Variants in SPRED2 observed in about 807,000 individuals in gnomAD.
The protein encoded by SPRED2 is sprouty related EVH1 domain containing 2.
In SPRED2, 47 loss-of-function variants were observed where a neutral mutation model predicts 43.0. That is an observed-to-expected ratio of 1.09 (90% CI 0.87 to 1.40). The LOEUF (loss-of-function observed/expected upper bound fraction) is 1.40. SPRED2 is among the 40% of genes most tolerant of loss of function. SPRED2 has a pLI of 0.00. For missense variants in SPRED2, 561 were observed against 586.4 expected (o/e 0.96, Z 0.45); for synonymous variants, 225 against 225.7 (o/e 1.00, Z 0.03).
downstream of SPRED2, among the ~76,000 whole-genome samples, chr2:65,309,525 AAAG>A (rs1432871873): frequency 2.0e-5 from 3 of 151,404 alleles, no homozygotes; most frequent in African/African-American, 4.9e-5. Context: ...AAAAAAAAAA[AAAG>A]GATATAAGAG....
rs1038714069 is a variant in SPRED2, at chr2:65,366,799, C to T, written c.27-21903G>A. On this transcript the variant is annotated intron_variant, in intron 1 of 5. Transcript: ENST00000356388. ...CGGATGAGTCATCCGAGGGTTAGTC[C>T]GCATTTTATAGGCCTGTTGTGTCAT... 18 of 1,305,328 alleles carry T rather than the reference C, an allele frequency of 1.4e-5. No homozygotes were observed. The African/African-American group carries it at 1.8e-4, about 13-fold the overall frequency. The allele number at this position is 1,305,328 out of a possible 1,614,324, so 80.9% of individuals were successfully genotyped here.
intron 1 of SPRED2, among the ~76,000 whole-genome samples, chr2:65,375,316 G>A (rs962056427): frequency 9.2e-5 from 14 of 152,336 alleles, no homozygotes; most frequent in South Asian, 2.1e-4. Context: ...CTTGTATGCC[G>A]GTCTCAGGTA....
Position 65,348,028 on chromosome 2 carries a change from T to C in SPRED2, c.27-3132A>G, listed in dbSNP as rs1420339718. 3.3e-5 allele frequency among the ~76,000 whole-genome samples: 5 copies of C among 151,918 alleles called. 1 individual carries two copies. Among genetic ancestry groups the C allele is most frequent in the Admixed American group, 3.3e-4 (5 of 15,254 alleles). On this transcript the variant is annotated intron_variant, in intron 1 of 5. Transcript: ENST00000356388. ...CATTCTACTGAAACAAACCCTCCAG[T>C]GGTATCGCCAAGCAGAAGTCAAAAT...
chr2:65,370,685 C>T (rs1234929056), intron 1 of SPRED2, among the ~76,000 whole-genome samples: 1 of 152,206 alleles, frequency 6.6e-6, no homozygotes, highest in Non-Finnish European at 1.5e-5. Context: ...CTGTAGTTCA[C>T]ACTTTCCTTA....
intron 1 of SPRED2, among the ~76,000 whole-genome samples, chr2:65,352,676 T>A (rs1414825062): frequency 7.9e-5 from 12 of 152,226 alleles, no homozygotes; most frequent in Non-Finnish European, 1.8e-4. Context: ...CAGGCTGGAG[T>A]GCAGTGGCGC....
chr2:65,381,018 C>T (rs1435306070), intron 1 of SPRED2, among the ~76,000 whole-genome samples: 1 of 152,188 alleles, frequency 6.6e-6, no homozygotes, highest in African/African-American at 2.4e-5. Context: ...CTTAGGATCC[C>T]CATTTTAGAA....
chr2:65,352,943 A>G (rs1450132001), intron 1 of SPRED2, among the ~76,000 whole-genome samples: 1 of 152,178 alleles, frequency 6.6e-6, no homozygotes, highest in Non-Finnish European at 1.5e-5. Context: ...TTTTAAAAAT[A>G]TGTTATCTTC....
intron 1 of SPRED2, among the ~76,000 whole-genome samples, chr2:65,423,299 C>T (rs907057340): frequency 2.6e-5 from 4 of 152,124 alleles, no homozygotes; most frequent in African/African-American, 9.7e-5. Context: ...TCAGGAATGG[C>T]GTAGGGATGG....
rs1668877100 is a variant in SPRED2, at chr2:65,432,095, G to A, written c.-108C>T. 1.4e-6 allele frequency: 2 copies of A among 1,444,316 alleles called. No individual in the cohort carries two copies. The highest frequency in any genetic ancestry group is 3.6e-5 in the Admixed American group (2 of 55,196). The allele number at this position is 1,444,316 out of a possible 1,614,324, so 89.5% of individuals were successfully genotyped here. On this transcript the variant is annotated 5_prime_UTR_variant, in exon 1 of 6. Coordinates refer to ENST00000356388, the MANE Select transcript of SPRED2 (RefSeq NM_181784.3). Reference sequence around the variant, plus strand: ...ATCTCCGGAGATCGCCTGATTTGGGGAGGGGGGGCGGCTAGAGATGAAGAG... The same window carrying A: ...ATCTCCGGAGATCGCCTGATTTGGGAAGGGGGGGCGGCTAGAGATGAAGAG...
chr2:65,367,861 C>G (rs1675022515), intron 1 of SPRED2, among the ~76,000 whole-genome samples: 1 of 152,094 alleles, frequency 6.6e-6, no homozygotes, highest in Admixed American at 6.5e-5. Flanking sequence ...CCAGCAGGCC[C>G]TTTGGTAATG....
intron 1 of SPRED2, among the ~76,000 whole-genome samples, chr2:65,407,531 G>A (rs144061803): frequency 2.2e-4 from 34 of 152,128 alleles, no homozygotes; most frequent in African/African-American, 7.5e-4. Context: ...CTCTCTGCAG[G>A]GGGTGGGAAG....
chr2:65,322,294 A>ATATATATATTTTTTTTT (rs1350932295), intron 4 of SPRED2, among the ~76,000 whole-genome samples: 1 of 64,936 alleles, frequency 1.5e-5, no homozygotes, highest in African/African-American at 7.1e-5. Flanking sequence ...ATATATATAT[A>ATATATATATTTTTTTTT]TTTTTTTTTT....
chr2:65,333,903 T>C (rs1232663189), intron 3 of SPRED2, among the ~76,000 whole-genome samples: 3 of 152,354 alleles, frequency 2.0e-5, no homozygotes, highest in African/African-American at 7.2e-5. Flanking sequence ...AAGATCTGAA[T>C]TTGGTATTAA....
intron 1 of SPRED2, among the ~76,000 whole-genome samples, chr2:65,351,301 G>A (rs79851750): frequency 0.019 from 2,952 of 152,228 alleles, 89 homozygotes; most frequent in African/African-American, 0.067. Context: ...AATGCTGTCC[G>A]CCATCTGTGA....
At chr2:65,408,179 G>T (rs34422198) in intron 1 of SPRED2, among the ~76,000 whole-genome samples, 16,477 of 152,108 alleles carry the variant, frequency 0.11, 1,314 homozygotes, top group Non-Finnish European at 0.16. Context: ...AAAGCTTTAG[G>T]CTGAAACTTC....
chr2:65,374,397 G>A (rs191272948), intron 1 of SPRED2, among the ~76,000 whole-genome samples: 53 of 152,288 alleles, frequency 3.5e-4, no homozygotes, highest in Admixed American at 7.2e-4. Context: ...CCAGAACTGG[G>A]CCTGATTCTA....
intron 1 of SPRED2, among the ~76,000 whole-genome samples, chr2:65,403,984 C>A (rs1192469398): frequency 6.6e-6 from 1 of 152,150 alleles, no homozygotes; most frequent in African/African-American, 2.4e-5. Context: ...GCAGGTGGAT[C>A]ACCTTAGGTC....
rs1401418177 is a variant in SPRED2, at chr2:65,312,702, C to A, written c.*799G>T. 1.6e-5 allele frequency: 16 copies of A among 985,756 alleles called. No homozygotes were observed. Among genetic ancestry groups the A allele is most frequent in the Non-Finnish European group, 1.9e-5 (16 of 829,942 alleles). 61.1% of individuals were successfully genotyped at this position (985,756 alleles called of 1,614,324 possible). Reference sequence around the variant, plus strand: ...CTCATAGAAACCTGAAATCCCCATTCTAGCCCTGGTCCAAGAGGATGCAAT... The same window carrying A: ...CTCATAGAAACCTGAAATCCCCATTATAGCCCTGGTCCAAGAGGATGCAAT... On this transcript the variant is annotated 3_prime_UTR_variant, in exon 6 of 6. Transcript: ENST00000356388.
rs1403233418 is a variant in SPRED2, at chr2:65,382,824, C to A, written c.27-37928G>T. On this transcript the variant is annotated intron_variant, in intron 1 of 5. Transcript: ENST00000356388. ...GTACAAGCCTCATTTCCAGGTTCAA[C>A]AGCCCAGGTGGCAAGGACTACATAC... is the stretch of plus-strand genomic sequence containing the variant. 6.6e-5 allele frequency among the ~76,000 whole-genome samples: 10 copies of A among 152,276 alleles called. No individual in the cohort carries two copies. In the Middle Eastern group the frequency reaches 0.01, roughly 155 times the overall value.
Sources: allele counts gnomAD v4.1 joint callset (sites outside exome capture counted in the v4.1 genomes callset), GRCh38; gene constraint gnomAD v4.1.1; transcripts MANE v1.5; gene names NCBI Gene and HGNC (gene_info 2026-07-23, HGNC 2026-07-21).